The following KIAA1328 variants were observed in gnomAD, a reference collection of about 807,000 sequenced individuals.
KIAA1328 encodes protein hinderin.
A neutral mutation model predicts 68.1 loss-of-function variants in KIAA1328; 52 were observed. The ratio of observed to expected loss-of-function variants is 0.76; its 90% CI spans 0.61 to 0.96. The LOEUF (loss-of-function observed/expected upper bound fraction) is 0.96, where lower values mean the gene tolerates loss of function less well. Among genes scored for constraint, KIAA1328 ranks in the 40% least tolerant of loss-of-function variants. KIAA1328 has a pLI of 0.00. For synonymous variants in KIAA1328, 232 were observed against 239.4 expected (o/e 0.97, Z 0.28); for missense variants, 641 against 677.6 (o/e 0.95, Z 0.60).
intron 7 of KIAA1328, among the ~76,000 whole-genome samples, chr18:37,159,938 A>G (rs193028065): frequency 6.6e-6 from 1 of 152,246 alleles, no homozygotes; most frequent in East Asian, 1.9e-4. Context: ...CTGTGACTTT[A>G]TTAGCTGTTT....
At chr18:37,121,648 T>C (rs2058275070) in intron 7 of KIAA1328, among the ~76,000 whole-genome samples, 1 of 152,140 alleles carries the variant, frequency 6.6e-6, no homozygotes, top group African/African-American at 2.4e-5. Context: ...ATATAATGAC[T>C]GGAAAGAACA....
chr18:37,068,788 T>G (rs1249693101), intron 7 of KIAA1328, among the ~76,000 whole-genome samples: 2 of 152,108 alleles, frequency 1.3e-5, no homozygotes, highest in Admixed American at 6.5e-5. Flanking sequence ...TTTTTATCTT[T>G]AATTTTTTTT....
intron 6 of KIAA1328, among the ~76,000 whole-genome samples, chr18:37,027,657 C>T (rs1599016323): frequency 6.6e-6 from 1 of 152,186 alleles, no homozygotes; most frequent in Non-Finnish European, 1.5e-5. Context: ...GGAAAACTGG[C>T]TAGCCATATG....
intron 6 of KIAA1328, among the ~76,000 whole-genome samples, chr18:37,062,431 G>T (rs528152773): frequency 1.5e-4 from 23 of 149,256 alleles, no homozygotes; most frequent in South Asian, 1.5e-3. Context: ...AATAGATGTG[G>T]TTTTTTTTGT....
chr18:37,080,055 CAGGA>C lies in KIAA1328; in HGVS notation c.1232+12514_1232+12517del, dbSNP rs2056897462. Among the ~76,000 whole-genome samples, 3 of 152,110 alleles carry C rather than the reference CAGGA, an allele frequency of 2.0e-5. No homozygotes were observed. In the South Asian group the frequency reaches 6.2e-4, roughly 32 times the overall value. On this transcript the variant is annotated intron_variant, in intron 7 of 9. Transcript: ENST00000280020. The stretch of plus-strand genomic sequence containing the variant: ...AAAGTACTTAAGAAAGCAAGATGAC[CAGGA>C]AGGTTCACAGTATACTCTGGTGGTA...
At chr18:37,141,179 C>T (rs1256814670) in intron 7 of KIAA1328, among the ~76,000 whole-genome samples, 1 of 152,136 alleles carries the variant, frequency 6.6e-6, no homozygotes, top group Non-Finnish European at 1.5e-5. Context: ...GTGTATTTAA[C>T]ACCAAACCCC....
chr18:36,849,859 C>T (rs1230391047), intron 4 of KIAA1328, among the ~76,000 whole-genome samples: 1 of 152,016 alleles, frequency 6.6e-6, no homozygotes, highest in African/African-American at 2.4e-5. Context: ...TCTCCACATT[C>T]TTGTCACCAT....
chr18:37,001,873 G>A (rs2053597586), intron 6 of KIAA1328, among the ~76,000 whole-genome samples: 1 of 152,112 alleles, frequency 6.6e-6, no homozygotes, highest in African/African-American at 2.4e-5. Flanking sequence ...TGAAGATCAT[G>A]TATGACAAAC....
At chr18:37,193,637 A>C (rs2154217906) in intron 9 of KIAA1328, 1 of 702,620 alleles carries the variant, frequency 1.4e-6, no homozygotes, top group Admixed American at 2.0e-5. Flanking sequence ...TCATTTCTTC[A>C]TATTGTTCTC....
chr18:37,177,237 A>G (rs2059612863), intron 9 of KIAA1328, among the ~76,000 whole-genome samples: 1 of 109,436 alleles, frequency 9.1e-6, no homozygotes, highest in African/African-American at 3.4e-5. Context: ...TTATATTAAA[A>G]TGAAGATAGT....
intron 6 of KIAA1328, among the ~76,000 whole-genome samples, chr18:37,009,691 G>A (rs972932635): frequency 6.6e-6 from 1 of 152,130 alleles, no homozygotes; most frequent in Admixed American, 6.6e-5. Flanking sequence ...TCTGTTTTGT[G>A]GAATGTTGTT....
At chr18:37,122,425 C>T (rs1406383337) in intron 7 of KIAA1328, among the ~76,000 whole-genome samples, 4 of 151,794 alleles carry the variant, frequency 2.6e-5, no homozygotes, top group African/African-American at 4.8e-5. Flanking sequence ...GACTTAGAGT[C>T]AAAGGTGGGT....
intron 5 of KIAA1328, among the ~76,000 whole-genome samples, chr18:36,941,111 C>G (rs1166354408): frequency 6.6e-6 from 1 of 152,166 alleles, no homozygotes; most frequent in African/African-American, 2.4e-5. Flanking sequence ...TCTTGGTTGT[C>G]AAATTAGAGC....
chr18:37,112,922 A>G (rs1199598208), intron 7 of KIAA1328, among the ~76,000 whole-genome samples: 2 of 152,230 alleles, frequency 1.3e-5, no homozygotes, highest in Non-Finnish European at 2.9e-5. Flanking sequence ...ATTGAAGATC[A>G]AATGAATGAA....
intron 4 of KIAA1328, among the ~76,000 whole-genome samples, chr18:36,879,327 A>G (rs536105218): frequency 1.3e-5 from 2 of 152,102 alleles, no homozygotes; most frequent in South Asian, 2.1e-4. Flanking sequence ...TCTAGACCCT[A>G]TTTGTCTGGG....
chr18:36,868,903 T>C (rs1230068052), intron 4 of KIAA1328, among the ~76,000 whole-genome samples: 1 of 152,170 alleles, frequency 6.6e-6, no homozygotes, highest in East Asian at 1.9e-4. Flanking sequence ...GTAAAATGAA[T>C]AAATCATTAT....
At position 36,939,740 on chromosome 18, in the gene KIAA1328, C is replaced by G. The variant is rs1484454586; in HGVS notation, c.449-19568C>G. On this transcript the variant is annotated intron_variant, in intron 5 of 9. Coordinates refer to ENST00000280020, the MANE Select transcript of KIAA1328 (RefSeq NM_020776.3). ...CAGCTGTGGGCTTTTCATATATGACCTTTATTGTGTTGAGGTACATGTTTT... is the reference window on the plus strand; with the variant it reads ...CAGCTGTGGGCTTTTCATATATGACGTTTATTGTGTTGAGGTACATGTTTT... Among the ~76,000 whole-genome samples, 3 of 152,038 alleles carry G rather than the reference C, an allele frequency of 2.0e-5. No homozygotes were observed. In the East Asian group the frequency reaches 5.8e-4, roughly 29 times the overall value.
At chr18:37,187,221 A>G (rs1013046405) in intron 9 of KIAA1328, among the ~76,000 whole-genome samples, 6 of 152,242 alleles carry the variant, frequency 3.9e-5, no homozygotes, top group African/African-American at 1.4e-4. Flanking sequence ...ATCCTAATAA[A>G]TGATCAACTT....
intron 9 of KIAA1328, among the ~76,000 whole-genome samples, chr18:37,184,541 C>G (rs1476832786): frequency 6.6e-6 from 1 of 152,160 alleles, no homozygotes; most frequent in Non-Finnish European, 1.5e-5. Flanking sequence ...AAGTTAAAAT[C>G]ATTGCATGTT....
Sources: gnomAD v4.1 joint callset for allele counts (sites outside exome capture counted in the v4.1 genomes callset) on GRCh38, gnomAD v4.1.1 for gene constraint, MANE v1.5 for transcripts, NCBI Gene and HGNC (gene_info 2026-07-23, HGNC 2026-07-21) for gene names.